The following CSMD3 variants were observed in gnomAD, a reference collection of about 807,000 sequenced individuals.
CSMD3 encodes CUB and Sushi multiple domains 3.
CSMD3 carries 177 observed loss-of-function variants against 435.2 expected under a neutral mutation model. The observed-to-expected ratio is 0.41, with a 90% confidence interval of 0.36 to 0.46. The LOEUF is 0.46. CSMD3 is among the 20% of genes least tolerant of loss of function. CSMD3 has a pLI of 0.34. For synonymous variants in CSMD3, 1,656 were observed against 1,520.5 expected (o/e 1.09, Z -2.07); for missense variants, 4,265 against 4,504.6 (o/e 0.95, Z 1.52).
At chr8:112,992,047 C>A (rs975362251) in intron 6 of CSMD3, among the ~76,000 whole-genome samples, 4 of 151,812 alleles carry the variant, frequency 2.6e-5, no homozygotes, top group Non-Finnish European at 4.4e-5. Flanking sequence ...AATAGTAGAT[C>A]CTCATTATTC....
At chr8:112,402,438 GTTCTTTGAACACTCTAACT>G (rs2129940838) in intron 35 of CSMD3, among the ~76,000 whole-genome samples, 1 of 152,166 alleles carries the variant, frequency 6.6e-6, no homozygotes, top group South Asian at 2.1e-4. Context: ...GCATATGTAG[GTTCTTTGAACACTCTAACT>G]AAAGGAATAA....
chr8:113,323,969 A>C (rs2093966229), intron 1 of CSMD3, among the ~76,000 whole-genome samples: 1 of 152,214 alleles, frequency 6.6e-6, no homozygotes, highest in South Asian at 2.1e-4. Context: ...AGAAGGAATC[A>C]GTCTTTGACA....
At chr8:112,395,715 T>C (rs1015148480) in intron 35 of CSMD3, among the ~76,000 whole-genome samples, 20 of 152,102 alleles carry the variant, frequency 1.3e-4, no homozygotes, top group African/African-American at 4.8e-4. Context: ...TCAAAGCTAT[T>C]AGTGGCTGCA....
chr8:112,237,543 T>C (rs1031174619), intron 66 of CSMD3, among the ~76,000 whole-genome samples, 195 bp from the exon 67 acceptor site: 1 of 152,154 alleles, frequency 6.6e-6, no homozygotes, highest in Non-Finnish European at 1.5e-5. Context: ...TAATCTAGAT[T>C]TGTTCATATG....
At chr8:112,489,550 TTG>T (rs1284253948) in intron 31 of CSMD3, among the ~76,000 whole-genome samples, 1 of 152,216 alleles carries the variant, frequency 6.6e-6, no homozygotes, top group Non-Finnish European at 1.5e-5. Context: ...ATTCTCCTTA[TTG>T]TGTGACAGTG....
intron 2 of CSMD3, among the ~76,000 whole-genome samples, chr8:113,279,071 C>G (rs1023732299): frequency 6.6e-6 from 1 of 151,140 alleles, no homozygotes. Context: ...AACCTAGTGA[C>G]TAAGTTACCA....
intron 28 of CSMD3, among the ~76,000 whole-genome samples, chr8:112,508,540 C>T (rs140484432): frequency 2.6e-5 from 4 of 152,248 alleles, no homozygotes; most frequent in Non-Finnish European, 4.4e-5. Flanking sequence ...AGGATATTTC[C>T]GGAGAATAGG....
chr8:112,764,915 T>C (rs912085645), intron 13 of CSMD3, among the ~76,000 whole-genome samples: 2 of 151,454 alleles, frequency 1.3e-5, no homozygotes, highest in Admixed American at 1.3e-4. Flanking sequence ...TTACAAATTA[T>C]ATGTAGAGAA....
chr8:112,953,440 AG>A (rs1045078800), intron 8 of CSMD3, among the ~76,000 whole-genome samples: 2 of 151,420 alleles, frequency 1.3e-5, no homozygotes, highest in African/African-American at 4.8e-5. Flanking sequence ...AAATGATTTT[AG>A]CCCCCAAAAT....
chr8:113,376,578 A>AT (rs2094384544), intron 1 of CSMD3: 2 of 705,970 alleles, frequency 2.8e-6, no homozygotes, highest in Non-Finnish European at 4.8e-6. Context: ...ACTAATATAT[A>AT]AAAAAATTGA....
intron 4 of CSMD3, among the ~76,000 whole-genome samples, chr8:113,171,394 A>T (rs1207651691): frequency 6.6e-6 from 1 of 152,124 alleles, no homozygotes; most frequent in Non-Finnish European, 1.5e-5. Flanking sequence ...GTCTGAATTG[A>T]GATGAAGGAA....
At chr8:112,638,646 T>C in intron 21 of CSMD3, 50 bp downstream of exon 21, 1 of 1,089,210 alleles carries the variant, frequency 9.2e-7, no homozygotes, top group Non-Finnish European at 1.4e-6. Flanking sequence ...CTTGAAAAAT[T>C]GCTTTTTTAA....
rs532290154 is a variant in CSMD3, at chr8:112,612,709, CTTT to C, written c.3715+24105_3715+24107del. Reference sequence around the variant, plus strand: ...TTTCTGAACTCTTTCTTTCTTTGTTCTTTTTTTTTTTTTTTTTTTTTTTTTTTC... The same window carrying C: ...TTTCTGAACTCTTTCTTTCTTTGTTCTTTTTTTTTTTTTTTTTTTTTTTTC... On this transcript the variant is annotated intron_variant, in intron 22 of 70. Coordinates refer to ENST00000297405, the MANE Select transcript of CSMD3 (RefSeq NM_198123.2). Among the ~76,000 whole-genome samples, 15 of 65,886 alleles carry C rather than the reference CTTT, an allele frequency of 2.3e-4. 1 individual carries two copies. The highest frequency in any genetic ancestry group is 8.7e-4 in the African/African-American group (15 of 17,168). The allele number at this position is 65,886 out of a possible 152,430, so 43.2% of individuals were successfully genotyped here. A position where few individuals can be genotyped will look rare whatever the true frequency, so the allele number is the denominator to read the frequency against.
intron 38 of CSMD3, among the ~76,000 whole-genome samples, chr8:112,357,776 AG>A (rs1370717519): frequency 6.6e-6 from 1 of 152,212 alleles, no homozygotes; most frequent in African/African-American, 2.4e-5. Context: ...GAAGATGTAT[AG>A]AAATGCCTGG....
At chr8:112,915,878 G>C (rs2082557954) in intron 10 of CSMD3, among the ~76,000 whole-genome samples, 1 of 151,742 alleles carries the variant, frequency 6.6e-6, no homozygotes, top group Admixed American at 6.6e-5. Context: ...CAAATTCTCA[G>C]CATTCAAAGG....
intron 22 of CSMD3, among the ~76,000 whole-genome samples, chr8:112,628,491 G>C (rs1442286111): frequency 1.3e-5 from 2 of 152,120 alleles, no homozygotes; most frequent in Non-Finnish European, 2.9e-5. Context: ...CTAAACAACA[G>C]TGTGACAGCT....
intron 40 of CSMD3, among the ~76,000 whole-genome samples, chr8:112,348,543 C>T (rs528078803): frequency 6.6e-6 from 1 of 152,066 alleles, no homozygotes; most frequent in East Asian, 1.9e-4. Flanking sequence ...AATACTCTGT[C>T]ACATGTAGTA....
chr8:113,377,095 T>TC, intron 1 of CSMD3: 7 of 1,284,542 alleles, frequency 5.4e-6, no homozygotes, highest in Non-Finnish European at 7.0e-6. Context: ...GGCGCTGGAC[T>TC]CCCCCAAGGG....
chr8:112,884,657 A>G (rs1283035092), intron 10 of CSMD3, among the ~76,000 whole-genome samples: 1 of 151,040 alleles, frequency 6.6e-6, no homozygotes, highest in Non-Finnish European at 1.5e-5. Flanking sequence ...ATTAAGAGCC[A>G]CTAATTTAGG....
Sources: allele counts gnomAD v4.1 joint callset (sites outside exome capture counted in the v4.1 genomes callset), GRCh38; gene constraint gnomAD v4.1.1; transcripts MANE v1.5; gene names NCBI Gene and HGNC (gene_info 2026-07-23, HGNC 2026-07-21).